CENPE: variants seen among roughly 807,000 people sequenced by gnomAD.
CENPE encodes the protein centromere-associated protein E.
CENPE carries 145 observed loss-of-function variants against 336.1 expected under a neutral mutation model. The ratio of observed to expected loss-of-function variants is 0.43; its 90% CI spans 0.38 to 0.50. The LOEUF (loss-of-function observed/expected upper bound fraction) is 0.50, where lower values mean the gene tolerates loss of function less well. Among genes scored for constraint, CENPE ranks in the 20% least tolerant of loss-of-function variants. The probability of loss-of-function intolerance (pLI) is 0.00; values close to 1 mark genes in which losing one functional copy is unlikely to be tolerated. For missense variants in CENPE, 2,719 were observed against 3,023.3 expected (o/e 0.90, Z 2.36); for synonymous variants, 1,013 against 984.8 (o/e 1.03, Z -0.54).
chr4:103,163,279 T>C (rs1478592101), intron 17 of CENPE, 23 bp from the exon 18 acceptor site: 6 of 1,589,200 alleles, frequency 3.8e-6, no homozygotes, highest in Non-Finnish European at 4.3e-6. Flanking sequence ...AAGGAGAGAG[T>C]AACAATTTAG....
intron 18 of CENPE, 125 bp downstream of exon 18, chr4:103,163,012 G>T: frequency 1.5e-6 from 1 of 674,812 alleles, no homozygotes; most frequent in Non-Finnish European, 2.3e-6. Context: ...CAGATTTAAT[G>T]AAATATATAT....
In CENPE at chr4:103,133,845, G is replaced by T; in HGVS notation, c.6570C>A (p.Ser2190=). ...TAAAATCCATTTCAAATTTATTGATGGATTCATGTTGTTCTTCTTTTATTT... is the reference window on the plus strand; with the variant it reads ...TAAAATCCATTTCAAATTTATTGATTGATTCATGTTGTTCTTCTTTTATTT... The part of the protein sequence containing the change: ...VTKIKEEQHE[S]INKFEMDFID... Residue 2190 remains serine (S), a synonymous_variant, in exon 41 of 49, where the codon TCC becomes TCA. Coordinates refer to ENST00000265148, the MANE Select transcript of CENPE (RefSeq NM_001813.3). 6.3e-7 allele frequency: 1 copy of T among 1,598,972 alleles called. No individual in the cohort carries two copies. The highest frequency in any genetic ancestry group is 1.1e-5 in the South Asian group (1 of 89,740).
chr4:103,110,823 C>T lies in CENPE; in HGVS notation c.7724+5G>A. The T allele has an allele frequency of 6.3e-7, 1 of 1,585,752 alleles. No homozygotes were observed. Among genetic ancestry groups the T allele is most frequent in the South Asian group, 1.2e-5 (1 of 86,140 alleles). ...TAATATCCGTATCATGTAAGCAGAT[C>T]TTACCTTAACAATTCATTCTTTTGT... On this transcript the variant is annotated splice_donor_5th_base_variant and intron_variant, in intron 47 of 48. Coordinates refer to ENST00000265148, the MANE Select transcript of CENPE (RefSeq NM_001813.3).
intron 28 of CENPE, among the ~76,000 whole-genome samples, chr4:103,148,421 T>C (rs1267733390): frequency 6.6e-6 from 1 of 152,190 alleles, no homozygotes; most frequent in East Asian, 1.9e-4. Flanking sequence ...GCATTTACCA[T>C]ATTGGAATTA....
chr4:103,147,240 A>C, intron 29 of CENPE, 116 bp downstream of exon 29: 2 of 854,058 alleles, frequency 2.3e-6, no homozygotes, highest in Non-Finnish European at 3.6e-6. Flanking sequence ...CATGATTAAG[A>C]GACATTAAAA....
intron 40 of CENPE, among the ~76,000 whole-genome samples, chr4:103,134,565 G>A (rs2623063): frequency 0.16 from 24,179 of 147,094 alleles, 2,307 homozygotes; most frequent in Non-Finnish European, 0.21. Context: ...CCCGGGAGGC[G>A]GAGCTTGCAG....
chr4:103,191,610 G>A (rs1213915287), intron 8 of CENPE, among the ~76,000 whole-genome samples: 2 of 136,260 alleles, frequency 1.5e-5, no homozygotes, highest in South Asian at 2.7e-4. Context: ...AGAACACGTG[G>A]ACACAGGAAG....
chr4:103,158,155 G>T, intron 24 of CENPE, 145 bp downstream of exon 24: 1 of 550,512 alleles, frequency 1.8e-6, no homozygotes, highest in Non-Finnish European at 2.9e-6. Flanking sequence ...TATTTCAAAG[G>T]CATTAGGGAT....
intron 47 of CENPE, among the ~76,000 whole-genome samples, chr4:103,110,100 T>C (rs1298670603): frequency 1.1e-4 from 17 of 152,226 alleles, no homozygotes; most frequent in African/African-American, 2.9e-4. Context: ...TATTCTGATA[T>C]AGGCATACCT....
At chr4:103,184,442 A>T (rs998118855) in intron 9 of CENPE, among the ~76,000 whole-genome samples, 2 of 152,340 alleles carry the variant, frequency 1.3e-5, no homozygotes, top group African/African-American at 4.8e-5. Flanking sequence ...CAGTTACAAA[A>T]GGGTTTTCCC....
intron 42 of CENPE, among the ~76,000 whole-genome samples, chr4:103,127,221 A>G (rs1751202656): frequency 6.6e-6 from 1 of 152,064 alleles, no homozygotes; most frequent in Admixed American, 6.5e-5. Context: ...TGAAGAAGCT[A>G]GAAGGGAAAA....
chr4:103,114,607 G>GTTCTGTTTATTCTCCTGT, intron 45 of CENPE, 55 bp from the exon 46 acceptor site: 1 of 1,089,678 alleles, frequency 9.2e-7, no homozygotes, highest in Non-Finnish European at 1.4e-6. Flanking sequence ...TTTTACAGGA[G>GTTCTGTTTATTCTCCTGT]AATAAACAGA....
chr4:103,113,599 TGTAA>T (rs1261619755), intron 46 of CENPE, among the ~76,000 whole-genome samples: 3 of 143,696 alleles, frequency 2.1e-5, no homozygotes, highest in African/African-American at 5.1e-5. Context: ...ATATTACTCA[TGTAA>T]GTAATAAAGA....
At chr4:103,198,180 TG>T in intron 1 of CENPE, 83 bp downstream of exon 1, 1 of 1,363,606 alleles carries the variant, frequency 7.3e-7, no homozygotes, top group Non-Finnish European at 1.0e-6. Flanking sequence ...CAGCGGCTCC[TG>T]GAAACATCGT....
At chr4:103,145,002 A>C in intron 32 of CENPE, 48 bp downstream of exon 32, 1 of 1,422,864 alleles carries the variant, frequency 7.0e-7, no homozygotes, top group Non-Finnish European at 9.4e-7. Flanking sequence ...TTATCACCTT[A>C]ACACTATTTC....
intron 48 of CENPE, among the ~76,000 whole-genome samples, chr4:103,107,118 A>G (rs1374133430): frequency 1.3e-5 from 2 of 152,210 alleles, no homozygotes; most frequent in Non-Finnish European, 2.9e-5. Flanking sequence ...GGTAGCTAGC[A>G]TGCACCTGTA....
chr4:103,119,913 T>C (rs1251263801), intron 44 of CENPE, among the ~76,000 whole-genome samples: 1 of 152,006 alleles, frequency 6.6e-6, no homozygotes, highest in Non-Finnish European at 1.5e-5. Flanking sequence ...ATAAACAACA[T>C]GTATATCTTA....
At chr4:103,112,898 ATATATACT>A (rs1486579226) in intron 46 of CENPE, among the ~76,000 whole-genome samples, 1 of 21,722 alleles carries the variant, frequency 4.6e-5, no homozygotes, top group Non-Finnish European at 9.3e-5. Flanking sequence ...ATAAGTGTAC[ATATATACT>A]TATAAGTATA....
At chr4:103,123,140 C>T (rs1462986111) in intron 42 of CENPE, 51 bp from the exon 43 acceptor site, 4 of 1,282,948 alleles carry the variant, frequency 3.1e-6, no homozygotes, top group African/African-American at 1.5e-5. Context: ...TATAGTAGTC[C>T]CCACTTACCT....
Sources: allele counts gnomAD v4.1 joint callset (sites outside exome capture counted in the v4.1 genomes callset), GRCh38; gene constraint gnomAD v4.1.1; transcripts MANE v1.5; gene names NCBI Gene and HGNC (gene_info 2026-07-23, HGNC 2026-07-21).